Variants in MYO3B observed in about 807,000 individuals in gnomAD.
MYO3B encodes myosin-IIIb.
MYO3B carries 156 observed loss-of-function variants against 174.6 expected under a neutral mutation model. That is an observed-to-expected ratio of 0.89 (90% CI 0.78 to 1.02). The LOEUF (loss-of-function observed/expected upper bound fraction) is 1.02, where lower values mean the gene tolerates loss of function less well. Ranked by LOEUF, MYO3B falls within the 50% of genes least tolerant of loss-of-function variation. The pLI, the probability that MYO3B is intolerant of heterozygous loss-of-function variation, is 0.00. For synonymous variants in MYO3B, 563 were observed against 569.1 expected, an observed-to-expected ratio of 0.99 and a Z score of 0.15; for missense variants, 1,632 against 1,639.4, an observed-to-expected ratio of 1.00 and a Z score of 0.08.
chr2:170,455,225 A>AG, intron 23 of MYO3B, among the ~76,000 whole-genome samples: 1 of 152,218 alleles, frequency 6.6e-6, no homozygotes, highest in South Asian at 2.1e-4. Context: ...GTTTTGGGAA[A>AG]GGGCTGTTAT....
intron 7 of MYO3B, among the ~76,000 whole-genome samples, chr2:170,310,665 C>CAAAAAAAAAAAAAAAAAAAAAAAAAAA (rs746315736): frequency 1.6e-5 from 1 of 61,458 alleles, no homozygotes; most frequent in Non-Finnish European, 2.6e-5. Flanking sequence ...GACTCCATCT[C>CAAAAAAAAAAAAAAAAAAAAAAAAAAA]AAAAAAAAAA....
chr2:170,274,489 T>A (rs1254330304), intron 7 of MYO3B, among the ~76,000 whole-genome samples: 1 of 152,198 alleles, frequency 6.6e-6, no homozygotes, highest in Non-Finnish European at 1.5e-5. Flanking sequence ...GTGGCTACTT[T>A]TAGTAGGCTC....
At position 170,417,031 on chromosome 2, in the gene MYO3B, G is replaced by A. The variant is rs542642814; in HGVS notation, c.2650+9187G>A. ...TTTAGTAGAGACGGGGTTTCACTGCGTTAGCCAGCATCTCAATCTCCTGAC... is the reference window on the plus strand; with the variant it reads ...TTTAGTAGAGACGGGGTTTCACTGCATTAGCCAGCATCTCAATCTCCTGAC... On this transcript the variant is annotated intron_variant, in intron 22 of 34. Transcript: ENST00000408978. Among the ~76,000 whole-genome samples the A allele has an allele frequency of 7.7e-4, 117 of 152,024 alleles. 1 individual carries two copies. The South Asian group carries it at 0.023, about 30-fold the overall frequency.
At chr2:170,523,818 T>C (rs1195138662) in intron 30 of MYO3B, among the ~76,000 whole-genome samples, 1 of 152,128 alleles carries the variant, frequency 6.6e-6, no homozygotes, top group Non-Finnish European at 1.5e-5. Flanking sequence ...CTCCATTTGC[T>C]AGGAGGGAAA....
At position 170,586,619 on chromosome 2, in the gene MYO3B, T is replaced by G. The variant is rs890241377; in HGVS notation, c.3733+42631T>G. 6.6e-5 allele frequency among the ~76,000 whole-genome samples: 10 copies of G among 152,236 alleles called. No individual in the cohort carries two copies. In the South Asian group the frequency reaches 2.1e-3, roughly 32 times the overall value. ...GAGATACATGACCCAAAGAAATGGC[T>G]CATTATTTTTCATTTTCTGTGAGAT... On this transcript the variant is annotated intron_variant, in intron 32 of 34. Transcript: ENST00000408978.
intron 32 of MYO3B, among the ~76,000 whole-genome samples, chr2:170,568,297 G>A (rs1259030271): frequency 6.6e-6 from 1 of 152,104 alleles, no homozygotes; most frequent in Non-Finnish European, 1.5e-5. Flanking sequence ...AATGCATTTG[G>A]TAATAACAGG....
At position 170,653,703 on chromosome 2, in the gene MYO3B, A is replaced by T. The variant is rs1181340025; in HGVS notation, c.*582A>T. 1 of 152,250 alleles carries T rather than the reference A, an allele frequency of 6.6e-6. No individual in the cohort carries two copies. The highest frequency in any genetic ancestry group is 1.9e-4 in the East Asian group (1 of 5,188). The allele number at this position is 152,250 out of a possible 1,614,324, so 9.4% of individuals were successfully genotyped here. ...GCCTGTGTTTAGGCAGATAGGCCTA[A>T]ATCTTTCAGATTCTTTCTACAAGGC... On this transcript the variant is annotated 3_prime_UTR_variant, in exon 35 of 35. Coordinates refer to ENST00000408978, the MANE Select transcript of MYO3B (RefSeq NM_138995.5).
chr2:170,316,235 A>T (rs1568271), intron 7 of MYO3B, among the ~76,000 whole-genome samples: 8 of 152,032 alleles, frequency 5.3e-5, no homozygotes, highest in Non-Finnish European at 1.2e-4. Flanking sequence ...GTATTAATGA[A>T]GTATCTGACT....
intron 16 of MYO3B, among the ~76,000 whole-genome samples, chr2:170,393,994 G>A (rs919555888): frequency 6.6e-6 from 1 of 152,190 alleles, no homozygotes; most frequent in South Asian, 2.1e-4. Context: ...TGGCAGTGGA[G>A]CAATTTAAAG....
chr2:170,567,473 A>G (rs1692141240), intron 32 of MYO3B, among the ~76,000 whole-genome samples: 1 of 152,256 alleles, frequency 6.6e-6, no homozygotes, highest in Middle Eastern at 3.2e-3. Flanking sequence ...AAAGTATGAC[A>G]TTCCTTTGTT....
intron 22 of MYO3B, among the ~76,000 whole-genome samples, chr2:170,410,560 A>G (rs1256237213): frequency 6.8e-6 from 1 of 147,616 alleles, no homozygotes; most frequent in Admixed American, 6.9e-5. Flanking sequence ...CAGCCTGGGA[A>G]CAGTGCAAGA....
intron 7 of MYO3B, among the ~76,000 whole-genome samples, chr2:170,300,185 T>G (rs1256836492): frequency 6.6e-6 from 1 of 152,206 alleles, no homozygotes; most frequent in African/African-American, 2.4e-5. Context: ...AAATTGGGTC[T>G]GACTATATGA....
intron 32 of MYO3B, among the ~76,000 whole-genome samples, chr2:170,570,601 C>G (rs1355543922): frequency 1.3e-5 from 2 of 152,290 alleles, no homozygotes; most frequent in East Asian, 1.9e-4. Flanking sequence ...CAGCAAATTA[C>G]TCTACTCAGT....
chr2:170,334,830 A>T (rs532779271), intron 7 of MYO3B: 1 of 152,328 alleles, frequency 6.6e-6, no homozygotes, highest in African/African-American at 2.4e-5. Flanking sequence ...TCTACCCAGG[A>T]ACTTCACGGA....
chr2:170,388,852 C>T (rs1051708653), intron 14 of MYO3B, among the ~76,000 whole-genome samples: 6 of 152,166 alleles, frequency 3.9e-5, no homozygotes, highest in East Asian at 1.9e-4. Flanking sequence ...AGTTTCCTCA[C>T]GCAGTAGGGA....
At chr2:170,396,720 G>C (rs946209533) in intron 16 of MYO3B, among the ~76,000 whole-genome samples, 1 of 152,184 alleles carries the variant, frequency 6.6e-6, no homozygotes, top group Non-Finnish European at 1.5e-5. Flanking sequence ...CTGGTTTCAA[G>C]GGTATAGTCT....
intron 7 of MYO3B, among the ~76,000 whole-genome samples, chr2:170,242,115 G>A (rs10497360): frequency 0.063 from 9,635 of 152,232 alleles, 507 homozygotes; most frequent in African/African-American, 0.15. Flanking sequence ...GCCCTGGGGA[G>A]TATTGGTTTC....
At chr2:170,403,669 T>G (rs1339309991) in intron 19 of MYO3B, among the ~76,000 whole-genome samples, 1 of 152,228 alleles carries the variant, frequency 6.6e-6, no homozygotes, top group East Asian at 1.9e-4. Context: ...CAGGGATAAT[T>G]GTTTTAATGC....
At chr2:170,568,076 T>C (rs1034444208) in intron 32 of MYO3B, among the ~76,000 whole-genome samples, 1 of 152,220 alleles carries the variant, frequency 6.6e-6, no homozygotes, top group African/African-American at 2.4e-5. Context: ...GAGGCACCTC[T>C]GTCTACTTGA....
Sources: allele counts gnomAD v4.1 joint callset (sites outside exome capture counted in the v4.1 genomes callset), GRCh38; gene constraint gnomAD v4.1.1; transcripts MANE v1.5; gene names NCBI Gene and HGNC (gene_info 2026-07-23, HGNC 2026-07-21).